LATS2: variants seen among roughly 807,000 people sequenced by gnomAD.
LATS2 encodes serine/threonine-protein kinase LATS2.
In LATS2, 24 loss-of-function variants were observed where a neutral mutation model predicts 76.0. The ratio of observed to expected loss-of-function variants is 0.32; its 90% confidence interval spans 0.23 to 0.44. The LOEUF is 0.44. Ranked by LOEUF, LATS2 falls within the 20% of genes least tolerant of loss-of-function variation. The pLI is 1.00. For synonymous variants in LATS2, 692 were observed against 635.4 expected, an observed-to-expected ratio of 1.09 and a Z score of -1.34; for missense variants, 1,286 against 1,481.2, an observed-to-expected ratio of 0.87 and a Z score of 2.16.
At chr13:21,023,525 C>T (rs1018328921) in intron 2 of LATS2, among the ~76,000 whole-genome samples, 19 of 151,822 alleles carry the variant, frequency 1.3e-4, no homozygotes, top group Admixed American at 8.5e-4. Context: ...CCAGGACTCT[C>T]CACGCTGCCG....
chr13:21,046,610 T>C (rs1873084695), intron 1 of LATS2, among the ~76,000 whole-genome samples: 1 of 152,238 alleles, frequency 6.6e-6, no homozygotes, highest in Non-Finnish European at 1.5e-5. Flanking sequence ...ATTTCTGGCT[T>C]GTTCCTAATA....
intron 6 of LATS2, among the ~76,000 whole-genome samples, chr13:20,980,147 A>C (rs1331945185): frequency 6.6e-6 from 1 of 152,248 alleles, no homozygotes; most frequent in East Asian, 1.9e-4. Flanking sequence ...TGAAAAACAT[A>C]AAGTGCTATA....
chr13:20,988,958 G>C lies in LATS2; in HGVS notation c.822C>G (p.Ser274=). Residue 274 remains serine (S), a synonymous_variant, in exon 4 of 8, where the codon TCC becomes TCG. Transcript: ENST00000382592. ...TCTCCGGCGGCGTCTTGCTCTGGAA[G>C]GAGGGGCTGCGCTGCACTCCGTAGC... ...PLGYGVQRSP[S]FQSKTPPETG... 2 of 1,537,166 alleles carry C rather than the reference G, an allele frequency of 1.3e-6. No homozygotes were observed.
At position 20,975,604 on chromosome 13, in the gene LATS2, CT is replaced by C; in HGVS notation, c.2773-241del. Among the ~76,000 whole-genome samples the C allele has an allele frequency of 2.0e-5, 3 of 152,308 alleles. No individual in the cohort carries two copies. The Middle Eastern group carries it at 0.01, about 518-fold the overall frequency. Reference sequence around the variant, plus strand: ...ATACAGACAAAAAGATACTGATTTTCTTCTATCAGAAATACTGTTTAGCCAA... The same window carrying C: ...ATACAGACAAAAAGATACTGATTTTCTCTATCAGAAATACTGTTTAGCCAA... On this transcript the variant is annotated intron_variant, in intron 7 of 7. Transcript: ENST00000382592.
intron 2 of LATS2, among the ~76,000 whole-genome samples, chr13:21,032,297 GCT>G (rs1872554664): frequency 1.3e-5 from 2 of 151,678 alleles, no homozygotes; most frequent in African/African-American, 2.4e-5. Context: ...ACAGAGTCTC[GCT>G]CTGTCACCCA....
chr13:21,034,350 C>T (rs146140963), intron 2 of LATS2, among the ~76,000 whole-genome samples: 4 of 152,306 alleles, frequency 2.6e-5, no homozygotes, highest in Admixed American at 6.5e-5. Context: ...GGGGTGGCCA[C>T]GTGCCCAGGT....
chr13:21,027,397 G>A (rs1872348412), intron 2 of LATS2, among the ~76,000 whole-genome samples: 1 of 152,188 alleles, frequency 6.6e-6, no homozygotes, highest in South Asian at 2.1e-4. Context: ...TGTGAGGTCA[G>A]AGTAAATGTT....
In LATS2 at chr13:20,974,732, G is replaced by A; in HGVS notation, c.*138C>T. 6.6e-6 allele frequency: 6 copies of A among 905,136 alleles called. No homozygotes were observed. Among genetic ancestry groups the A allele is most frequent in the Non-Finnish European group, 9.8e-6 (6 of 613,162 alleles). The allele number at this position is 905,136 out of a possible 1,614,324, so 56.1% of individuals were successfully genotyped here. On this transcript the variant is annotated 3_prime_UTR_variant, in exon 8 of 8. Coordinates refer to ENST00000382592, the MANE Select transcript of LATS2 (RefSeq NM_014572.3). Reference sequence around the variant, plus strand: ...GTCCTGTTTGGGTTTTCTTGGTGAAGAGCAGAATTTCAAGTGAAGTAATCG... The same window carrying A: ...GTCCTGTTTGGGTTTTCTTGGTGAAAAGCAGAATTTCAAGTGAAGTAATCG...
At chr13:21,035,059 C>CAT (rs1276182713) in intron 2 of LATS2, among the ~76,000 whole-genome samples, 3 of 152,044 alleles carry the variant, frequency 2.0e-5, no homozygotes, top group African/African-American at 7.2e-5. Flanking sequence ...AGCAAGACTC[C>CAT]ATCTCTATTG....
chr13:20,996,162 T>C (rs1034800674), intron 2 of LATS2, among the ~76,000 whole-genome samples: 3 of 152,158 alleles, frequency 2.0e-5, no homozygotes, highest in Non-Finnish European at 4.4e-5. Context: ...ACAAGATACC[T>C]GCAGTGTTCA....
chr13:20,980,419 T>C (rs1399661039), intron 6 of LATS2, among the ~76,000 whole-genome samples: 1 of 152,194 alleles, frequency 6.6e-6, no homozygotes, highest in Non-Finnish European at 1.5e-5. Flanking sequence ...CAGAGCCTCA[T>C]GACCCATCAA....
intron 2 of LATS2, among the ~76,000 whole-genome samples, chr13:21,012,930 A>G (rs1301558151): frequency 6.6e-6 from 1 of 152,192 alleles, no homozygotes; most frequent in African/African-American, 2.4e-5. Flanking sequence ...GGAAGAGAAA[A>G]TGCTCCAAGT....
chr13:21,054,162 G>C (rs764573947), intron 1 of LATS2, among the ~76,000 whole-genome samples: 1 of 152,112 alleles, frequency 6.6e-6, no homozygotes, highest in Non-Finnish European at 1.5e-5. Context: ...TTTAAACATA[G>C]CTACACGGCT....
intron 4 of LATS2, among the ~76,000 whole-genome samples, chr13:20,985,714 G>T (rs1384309952): frequency 6.6e-6 from 1 of 151,406 alleles, no homozygotes; most frequent in Non-Finnish European, 1.5e-5. Context: ...CTCCAGCCTG[G>T]GCAATAGAGC....
chr13:20,988,435 C>A lies in LATS2; in HGVS notation c.1345G>T (p.Val449Leu). 1 of 1,501,422 alleles carries A rather than the reference C, an allele frequency of 6.7e-7. No individual in the cohort carries two copies. The allele number at this position is 1,501,422 out of a possible 1,614,324, so 93.0% of individuals were successfully genotyped here. ...HILHPVKSVR[V>L]LRPEPQTAVG... ...GCCGTCTGCGGCTCCGGCCTCAGCA[C>A]ACGCACGCTCTTCACCGGGTGCAAG... The change falls in exon 4 of 8, where the codon GTG becomes TTG. Residue 449 changes from valine (V) to leucine (L), a missense_variant. This residue lies in a region of LATS2 where 710 missense variants were observed against 660.9 expected (regional missense o/e 1.07). Coordinates refer to ENST00000382592, the MANE Select transcript of LATS2 (RefSeq NM_014572.3).
chr13:21,043,414 G>A (rs1301709828), intron 2 of LATS2, among the ~76,000 whole-genome samples: 2 of 151,938 alleles, frequency 1.3e-5, no homozygotes, highest in Non-Finnish European at 2.9e-5. Context: ...TAAAGGTACG[G>A]TTATCTTTTT....
chr13:21,023,868 G>A (rs1444261161), intron 2 of LATS2, among the ~76,000 whole-genome samples: 9 of 151,644 alleles, frequency 5.9e-5, no homozygotes, highest in Admixed American at 2.0e-4. Flanking sequence ...AGCTATTCAG[G>A]AGGCTGAGGC....
At chr13:21,057,281 C>T (rs1041642463) in intron 1 of LATS2, among the ~76,000 whole-genome samples, 1 of 152,118 alleles carries the variant, frequency 6.6e-6, no homozygotes, top group Non-Finnish European at 1.5e-5. Context: ...TTTCATTTTT[C>T]TCCCAGAAAA....
chr13:21,004,304 C>A (rs1020156857), intron 2 of LATS2, among the ~76,000 whole-genome samples: 2 of 151,952 alleles, frequency 1.3e-5, no homozygotes, highest in Admixed American at 1.3e-4. Context: ...CATGGTGGTG[C>A]ATACCTGTAA....
Sources: allele counts gnomAD v4.1 joint callset (sites outside exome capture counted in the v4.1 genomes callset), GRCh38; gene constraint gnomAD v4.1.1; regional missense constraint gnomAD v4.1.1; transcripts MANE v1.5; gene names NCBI Gene and HGNC (gene_info 2026-07-23, HGNC 2026-07-21).